The following RBPJ variants were observed in gnomAD, a reference collection of about 807,000 sequenced individuals.
The protein encoded by RBPJ is recombining binding protein suppressor of hairless.
Under a neutral mutation model 67.8 loss-of-function variants are expected in RBPJ, and 9 were observed. The ratio of observed to expected loss-of-function variants is 0.13; its 90% CI spans 0.08 to 0.23. The LOEUF (loss-of-function observed/expected upper bound fraction) is 0.23, where lower values mean the gene tolerates loss of function less well. Ranked by LOEUF, RBPJ falls within the 10% of genes least tolerant of loss-of-function variation. The pLI is 1.00. For missense variants in RBPJ, 305 were observed against 595.6 expected, an observed-to-expected ratio of 0.51 and a Z score of 5.08; for synonymous variants, 198 against 203.3, an observed-to-expected ratio of 0.97 and a Z score of 0.22.
the RBPJ span, among the ~76,000 whole-genome samples, chr4:26,133,456 C>T: frequency 1.3e-5 from 2 of 152,296 alleles, no homozygotes; most frequent in African/African-American, 4.8e-5. Flanking sequence ...TCAAGGGACT[C>T]ATTGCTCTAC....
At chr4:26,245,325 C>T (rs780659578) in intron 1 of RBPJ, among the ~76,000 whole-genome samples, 5 of 151,046 alleles carry the variant, frequency 3.3e-5, no homozygotes, top group Non-Finnish European at 5.9e-5. Flanking sequence ...TCTTCTGCCT[C>T]AGCCTCCTAA....
chr4:26,183,719 A>G (rs1258465115), intron 1 of RBPJ, among the ~76,000 whole-genome samples: 1 of 152,184 alleles, frequency 6.6e-6, no homozygotes, highest in Non-Finnish European at 1.5e-5. Flanking sequence ...CCTGTTAAAG[A>G]AAAAATGTAG....
At position 26,206,862 on chromosome 4, in the gene RBPJ, T is replaced by C. The variant is rs553507793; in HGVS notation, c.-167+43248T>C. Among the ~76,000 whole-genome samples the C allele has an allele frequency of 2.0e-5, 3 of 152,152 alleles. No homozygotes were observed. The East Asian group carries it at 5.8e-4, about 29-fold the overall frequency. On this transcript the variant is annotated intron_variant, in intron 1 of 4. Coordinates refer to the RBPJ transcript ENST00000512351. ...TTTTTTGGTCTTTTTTTTTCTGAAT[T>C]CTGGTAGTTTTTTAAAGGAGGATTG... is the stretch of plus-strand genomic sequence containing the variant.
At chr4:26,275,001 G>C (rs1054064804) in intron 1 of RBPJ, among the ~76,000 whole-genome samples, 1 of 152,084 alleles carries the variant, frequency 6.6e-6, no homozygotes, top group Non-Finnish European at 1.5e-5. Context: ...TAAAGTACCA[G>C]GGCTAGAGGA....
intron 1 of RBPJ, among the ~76,000 whole-genome samples, chr4:26,289,180 A>G (rs1721578023): frequency 6.7e-6 from 1 of 149,862 alleles, no homozygotes; most frequent in South Asian, 2.1e-4. Flanking sequence ...ACAGATCACT[A>G]GAGGTCAGGA....
upstream of RBPJ, among the ~76,000 whole-genome samples, chr4:26,318,315 C>T (rs945825735): frequency 6.6e-6 from 1 of 152,126 alleles, no homozygotes; most frequent in Admixed American, 6.5e-5. Context: ...ATAGAAACCA[C>T]ATCAGGGCCA....
At chr4:26,428,139 G>T (rs1386455648) in intron 7 of RBPJ, among the ~76,000 whole-genome samples, 1 of 152,152 alleles carries the variant, frequency 6.6e-6, no homozygotes, top group East Asian at 1.9e-4. Flanking sequence ...AAATGAGTTT[G>T]ATTTTGTTAT....
chr4:26,154,961 G>C, the RBPJ span, among the ~76,000 whole-genome samples: 1 of 152,188 alleles, frequency 6.6e-6, no homozygotes, highest in East Asian at 1.9e-4. Context: ...GAGAACACAT[G>C]AGATTTGGAG....
intron 1 of RBPJ, among the ~76,000 whole-genome samples, chr4:26,259,260 T>C (rs1260447130): frequency 2.6e-5 from 4 of 152,202 alleles, no homozygotes; most frequent in African/African-American, 7.2e-5. Flanking sequence ...AGAAGGACTC[T>C]CTGATGAAGC....
chr4:26,256,315 T>C (rs1399382108), intron 1 of RBPJ, among the ~76,000 whole-genome samples: 3 of 151,690 alleles, frequency 2.0e-5, no homozygotes, highest in Non-Finnish European at 4.4e-5. Context: ...GATTTTTGAC[T>C]AGCATGATGT....
intron 3 of RBPJ, among the ~76,000 whole-genome samples, chr4:26,412,582 A>G (rs1347632647): frequency 6.6e-6 from 1 of 152,148 alleles, no homozygotes; most frequent in Non-Finnish European, 1.5e-5. Context: ...AATGCAAACA[A>G]TCCAAGGTCT....
chr4:26,418,465 T>A (rs1487816443), intron 4 of RBPJ, among the ~76,000 whole-genome samples: 2 of 152,222 alleles, frequency 1.3e-5, no homozygotes, highest in Non-Finnish European at 2.9e-5. Flanking sequence ...AACTACTCAT[T>A]GTAATTAGGG....
intron 1 of RBPJ, among the ~76,000 whole-genome samples, chr4:26,199,606 G>A (rs1717910597): frequency 6.6e-6 from 1 of 152,134 alleles, no homozygotes; most frequent in African/African-American, 2.4e-5. Context: ...GAAAATCCCT[G>A]GAAATGAGCT....
the RBPJ span, among the ~76,000 whole-genome samples, chr4:26,141,324 G>A: frequency 1.3e-5 from 2 of 152,162 alleles, no homozygotes; most frequent in African/African-American, 2.4e-5. Flanking sequence ...AGAATGTAAC[G>A]GCAGGCCAGG....
chr4:26,363,565 A>C (rs1409298765), intron 1 of RBPJ, among the ~76,000 whole-genome samples: 2 of 152,056 alleles, frequency 1.3e-5, no homozygotes, highest in African/African-American at 4.8e-5. Context: ...CAGCCTTCCG[A>C]GTAGCTGGGA....
chr4:26,224,655 G>A (rs1719025084), intron 1 of RBPJ, among the ~76,000 whole-genome samples: 1 of 151,458 alleles, frequency 6.6e-6, no homozygotes, highest in Non-Finnish European at 1.5e-5. Context: ...ACCGCACCCT[G>A]CCCAGAACAG....
chr4:26,283,163 T>C (rs1721335811), intron 1 of RBPJ, among the ~76,000 whole-genome samples: 2 of 145,874 alleles, frequency 1.4e-5, no homozygotes, highest in African/African-American at 5.0e-5. Flanking sequence ...TCTCCTGACC[T>C]CGTAATCCAC....
At chr4:26,124,435 T>TATATATAC in the RBPJ span, among the ~76,000 whole-genome samples, 1 of 93,386 alleles carries the variant, frequency 1.1e-5, no homozygotes, top group Non-Finnish European at 2.3e-5. Flanking sequence ...TATATATATA[T>TATATATAC]ATATATATAT....
At chr4:26,357,378 A>G (rs1373985273) in intron 1 of RBPJ, among the ~76,000 whole-genome samples, 1 of 152,180 alleles carries the variant, frequency 6.6e-6, no homozygotes, top group Non-Finnish European at 1.5e-5. Flanking sequence ...TTGGCTTAGG[A>G]TGGGAAGGAA....
Sources: gnomAD v4.1 joint callset for allele counts (sites outside exome capture counted in the v4.1 genomes callset) on GRCh38, gnomAD v4.1.1 for gene constraint, MANE v1.5 for transcripts, NCBI Gene and HGNC (gene_info 2026-07-23, HGNC 2026-07-21) for gene names.